CLDN10: variants seen among roughly 807,000 people sequenced by gnomAD.
The protein encoded by CLDN10 is claudin 10.
CLDN10 carries 15 observed loss-of-function variants against 22.9 expected under a neutral mutation model. That is an observed-to-expected ratio of 0.65 (90% CI 0.44 to 1.01). The LOEUF (loss-of-function observed/expected upper bound fraction) is 1.01. CLDN10 is among the 50% of genes least tolerant of loss of function. The pLI is 0.00. For missense variants in CLDN10, 247 were observed against 287.8 expected (o/e 0.86, Z 1.03); for synonymous variants, 114 against 111.4 (o/e 1.02, Z -0.15).
chr13:95,510,316 C>T (rs943610559), intron 1 of CLDN10, among the ~76,000 whole-genome samples: 1 of 152,198 alleles, frequency 6.6e-6, no homozygotes, highest in Admixed American at 6.5e-5. Flanking sequence ...CATCTTCCCA[C>T]CTAAAGAGCA....
At chr13:95,445,989 G>C (rs1490628607) in intron 1 of CLDN10, among the ~76,000 whole-genome samples, 1 of 152,194 alleles carries the variant, frequency 6.6e-6, no homozygotes, top group Non-Finnish European at 1.5e-5. Context: ...AGGAGGATGA[G>C]AGGTTTTGAA....
At chr13:95,562,210 G>A (rs1056557286) in intron 3 of CLDN10, among the ~76,000 whole-genome samples, 12 of 152,022 alleles carry the variant, frequency 7.9e-5, no homozygotes, top group Admixed American at 1.3e-4. Flanking sequence ...GGGATTACAG[G>A]TGTGAGCCAC....
intron 1 of CLDN10, among the ~76,000 whole-genome samples, chr13:95,479,144 T>C (rs2042715807): frequency 6.6e-6 from 1 of 150,640 alleles, no homozygotes; most frequent in Non-Finnish European, 1.5e-5. Flanking sequence ...AGGTCAGGAG[T>C]TCAAGAACAG....
chr13:95,497,938 C>T (rs935387662), intron 1 of CLDN10, among the ~76,000 whole-genome samples: 1 of 152,122 alleles, frequency 6.6e-6, no homozygotes, highest in African/African-American at 2.4e-5. Context: ...AGAAGGTAAA[C>T]TTGAACATTT....
intron 1 of CLDN10, among the ~76,000 whole-genome samples, chr13:95,434,459 A>G (rs549652249): frequency 1.0e-5 from 1 of 96,662 alleles, no homozygotes; most frequent in African/African-American, 4.0e-5. Context: ...CTCTCTCTCT[A>G]TATATATATA....
intron 1 of CLDN10, among the ~76,000 whole-genome samples, chr13:95,444,269 C>T (rs1308404110): frequency 1.3e-5 from 2 of 152,164 alleles, no homozygotes; most frequent in Non-Finnish European, 2.9e-5. Flanking sequence ...AGGTAATGTA[C>T]ATTATAGAAA....
At chr13:95,468,458 G>A (rs893178350) in intron 1 of CLDN10, among the ~76,000 whole-genome samples, 2 of 152,204 alleles carry the variant, frequency 1.3e-5, no homozygotes, top group African/African-American at 4.8e-5. Context: ...CAGATATGTG[G>A]CTCATGCCTT....
At position 95,498,114 on chromosome 13, in the gene CLDN10, C is replaced by A. The variant is rs143482761; in HGVS notation, c.215-62018C>A. Reference sequence around the variant, plus strand: ...AGCATTCAGAGTTATGGATCAGGTTCTTCCTGAGAGGGAATCTGAAGGTCA... The same window carrying A: ...AGCATTCAGAGTTATGGATCAGGTTATTCCTGAGAGGGAATCTGAAGGTCA... On this transcript the variant is annotated intron_variant, in intron 1 of 4. Transcript: ENST00000376873. Among the ~76,000 whole-genome samples the A allele has an allele frequency of 5.3e-5, 8 of 152,330 alleles. No individual in the cohort carries two copies. In the East Asian group the frequency reaches 1.4e-3, roughly 26 times the overall value.
At chr13:95,541,505 TTC>T (rs1483980763) in intron 1 of CLDN10, among the ~76,000 whole-genome samples, 1 of 152,236 alleles carries the variant, frequency 6.6e-6, no homozygotes, top group Non-Finnish European at 1.5e-5. Flanking sequence ...TCTAGTTTTT[TTC>T]TGTTTCCCCT....
At chr13:95,543,506 G>A (rs1389360510) in intron 1 of CLDN10, among the ~76,000 whole-genome samples, 2 of 151,922 alleles carry the variant, frequency 1.3e-5, no homozygotes, top group Non-Finnish European at 2.9e-5. Context: ...ACCTATTCCA[G>A]GTAGCAAAAC....
At chr13:95,571,832 C>CTT in intron 3 of CLDN10, among the ~76,000 whole-genome samples, 1 of 152,064 alleles carries the variant, frequency 6.6e-6, no homozygotes, top group African/African-American at 2.4e-5. Context: ...GGATTTTAAA[C>CTT]TTTGTAAAAA....
At chr13:95,560,354 A>G (rs1199413930) in intron 2 of CLDN10, 28 bp from the exon 3 acceptor site, 10 of 1,612,960 alleles carry the variant, frequency 6.2e-6, no homozygotes, top group African/African-American at 1.3e-5. Flanking sequence ...CACACTAACC[A>G]TAGTGCTTTC....
chr13:95,489,108 G>A (rs961259648), intron 1 of CLDN10, among the ~76,000 whole-genome samples: 2 of 151,160 alleles, frequency 1.3e-5, no homozygotes, highest in African/African-American at 2.4e-5. Context: ...TCACCACCAC[G>A]CCAGGCTAGT....
chr13:95,503,669 T>G (rs758808709), intron 1 of CLDN10, among the ~76,000 whole-genome samples: 18 of 152,166 alleles, frequency 1.2e-4, no homozygotes, highest in Non-Finnish European at 2.6e-4. Flanking sequence ...TTAAAAGGGA[T>G]GAAAGTTCTG....
intron 1 of CLDN10, among the ~76,000 whole-genome samples, chr13:95,466,653 T>A (rs1313932890): frequency 2.6e-5 from 4 of 152,016 alleles, no homozygotes; most frequent in Non-Finnish European, 5.9e-5. Context: ...TGGAAATATA[T>A]CTGTAATAGA....
At chr13:95,571,744 TG>T (rs1374213551) in intron 3 of CLDN10, among the ~76,000 whole-genome samples, 2 of 152,208 alleles carry the variant, frequency 1.3e-5, no homozygotes, top group Admixed American at 1.3e-4. Flanking sequence ...GACAATGCAC[TG>T]AAGAAAAAGT....
At chr13:95,512,219 T>C (rs887621739) in intron 1 of CLDN10, among the ~76,000 whole-genome samples, 4 of 124,904 alleles carry the variant, frequency 3.2e-5, no homozygotes, top group African/African-American at 8.8e-5. Context: ...AGACCAATGA[T>C]AGATCTAGGA....
intron 1 of CLDN10, among the ~76,000 whole-genome samples, chr13:95,464,706 AG>A: frequency 6.6e-6 from 1 of 151,518 alleles, no homozygotes; most frequent in South Asian, 2.1e-4. Flanking sequence ...GCCATGCTGC[AG>A]TGCTGCACAT....
Position 95,560,292 on chromosome 13 carries a change from A to G in CLDN10, c.381A>G (p.Ser127=). 1 of 1,614,070 alleles carries G rather than the reference A, an allele frequency of 6.2e-7. No homozygotes were observed. The highest frequency in any genetic ancestry group is 8.5e-7 in the Non-Finnish European group (1 of 1,179,904). The change falls in exon 2 of 5, where the codon TCA becomes TCG. Residue 127 remains serine (S), a splice_region_variant and synonymous_variant. Transcript: ENST00000299339. ...TGGCTGGGATTGTATTCATACTGTC[A>G]GGTAAATAGTAACTTTCTTCCAAAC... The part of the protein sequence containing the change: ...ACLAGIVFIL[S]GLCSMTGCSL...
Sources: gnomAD v4.1 joint callset for allele counts (sites outside exome capture counted in the v4.1 genomes callset) on GRCh38, gnomAD v4.1.1 for gene constraint, MANE v1.5 for transcripts, NCBI Gene and HGNC (gene_info 2026-07-23, HGNC 2026-07-21) for gene names.